Variants in KCTD8 observed in about 807,000 individuals in gnomAD.
The protein encoded by KCTD8 is potassium channel tetramerization domain containing 8, also known as BTB/POZ domain-containing protein KCTD8.
KCTD8 carries 27 observed loss-of-function variants against 31.5 expected under a neutral mutation model. The ratio of observed to expected loss-of-function variants is 0.86; its 90% CI spans 0.63 to 1.18. The LOEUF (loss-of-function observed/expected upper bound fraction) is 1.18, where lower values mean the gene tolerates loss of function less well. Ranked by LOEUF, KCTD8 falls within the 50% of genes most tolerant of loss-of-function variation. KCTD8 has a pLI of 0.00. For missense variants in KCTD8, 658 were observed against 647.7 expected (o/e 1.02, Z -0.17); for synonymous variants, 290 against 280.0 (o/e 1.04, Z -0.36).
At chr4:44,327,935 A>C (rs1488360920) in intron 1 of KCTD8, among the ~76,000 whole-genome samples, 2 of 151,920 alleles carry the variant, frequency 1.3e-5, no homozygotes, top group African/African-American at 4.8e-5. Context: ...ACTTTAAGAA[A>C]GTCTTAAAAT....
intron 1 of KCTD8, among the ~76,000 whole-genome samples, chr4:44,322,069 T>C (rs905867597): frequency 7.2e-5 from 11 of 151,998 alleles, no homozygotes; most frequent in African/African-American, 2.4e-4. Context: ...CATGAGAGTG[T>C]GGATGTCTCT....
intron 1 of KCTD8, among the ~76,000 whole-genome samples, chr4:44,188,083 T>C (rs1367703796): frequency 6.6e-6 from 1 of 151,820 alleles, no homozygotes; most frequent in African/African-American, 2.4e-5. Context: ...CATAGTTGAG[T>C]GGATTTTTAT....
intron 1 of KCTD8, among the ~76,000 whole-genome samples, chr4:44,252,779 ATAAATGTC>A (rs1196932933): frequency 2.0e-5 from 3 of 151,888 alleles, no homozygotes; most frequent in African/African-American, 7.2e-5. Flanking sequence ...ACAATCACAC[ATAAATGTC>A]TTATGCTTTT....
rs186330721 is a variant in KCTD8 at position 44,321,501 on chromosome 4, T to C, written c.961+126062A>G. Among the ~76,000 whole-genome samples, 292 of 152,286 alleles carry C rather than the reference T, an allele frequency of 1.9e-3. 1 individual carries two copies. The highest frequency in any genetic ancestry group is 6.8e-3 in the African/African-American group (284 of 41,568). On this transcript the variant is annotated intron_variant, in intron 1 of 1. Transcript: ENST00000360029. ...TGATATATCATAATAGCTGTACTTA[T>C]TTTTGGGGTATATGTGATACTTTGA...
intron 1 of KCTD8, among the ~76,000 whole-genome samples, chr4:44,408,928 T>C (rs1720885588): frequency 6.6e-6 from 1 of 151,496 alleles, no homozygotes; most frequent in East Asian, 2.0e-4. Flanking sequence ...AGTATTAGGG[T>C]TCTTTTAAGT....
At chr4:44,184,288 T>C (rs1231520704) in intron 1 of KCTD8, among the ~76,000 whole-genome samples, 2 of 152,178 alleles carry the variant, frequency 1.3e-5, no homozygotes, top group Admixed American at 1.3e-4. Context: ...TTACAGGTCA[T>C]AGAGGAGACG....
At chr4:44,262,992 T>G (rs1371214452) in intron 1 of KCTD8, among the ~76,000 whole-genome samples, 1 of 152,160 alleles carries the variant, frequency 6.6e-6, no homozygotes, top group Non-Finnish European at 1.5e-5. Flanking sequence ...ATTATCATAA[T>G]AGAAGATCAG....
In KCTD8 at chr4:44,321,551, C is replaced by T. The variant is rs144078593; in HGVS notation, c.961+126012G>A. 1.4e-3 allele frequency among the ~76,000 whole-genome samples: 207 copies of T among 152,130 alleles called. 1 individual carries two copies. In the East Asian group the frequency reaches 0.023, roughly 17 times the overall value. On this transcript the variant is annotated intron_variant, in intron 1 of 1. Transcript: ENST00000360029. ...ATACATGTATACAATGTATAATAATCCAATCAGGATAACTGGGATATCCAC... is the reference window on the plus strand; with the variant it reads ...ATACATGTATACAATGTATAATAATTCAATCAGGATAACTGGGATATCCAC...
intron 1 of KCTD8, among the ~76,000 whole-genome samples, chr4:44,250,314 T>C (rs1715790244): frequency 6.6e-6 from 1 of 151,836 alleles, no homozygotes; most frequent in African/African-American, 2.4e-5. Flanking sequence ...GTTAGTGATT[T>C]TTTCCAATTT....
chr4:44,285,990 A>G (rs1717057439), intron 1 of KCTD8, among the ~76,000 whole-genome samples: 1 of 152,190 alleles, frequency 6.6e-6, no homozygotes, highest in Non-Finnish European at 1.5e-5. Context: ...AACGAGTTAA[A>G]TTAAAAGATT....
intron 1 of KCTD8, among the ~76,000 whole-genome samples, chr4:44,272,375 A>G (rs962650671): frequency 6.6e-6 from 1 of 151,950 alleles, no homozygotes; most frequent in African/African-American, 2.4e-5. Flanking sequence ...TATATTATGG[A>G]ATCCGCACAG....
chr4:44,254,389 C>T (rs80018543), intron 1 of KCTD8, among the ~76,000 whole-genome samples: 5,430 of 151,954 alleles, frequency 0.036, 155 homozygotes, highest in Non-Finnish European at 0.047. Flanking sequence ...ATGCCAATGA[C>T]ACCTTGCACT....
intron 1 of KCTD8, among the ~76,000 whole-genome samples, chr4:44,305,242 A>C (rs1384604099): frequency 6.6e-6 from 1 of 151,576 alleles, no homozygotes; most frequent in Non-Finnish European, 1.5e-5. Context: ...TACGTGATAG[A>C]TATAAGTATA....
intron 1 of KCTD8, among the ~76,000 whole-genome samples, chr4:44,395,894 A>AT (rs964734028): frequency 1.3e-5 from 2 of 151,966 alleles, no homozygotes; most frequent in Admixed American, 6.6e-5. Context: ...GTGGAAGACA[A>AT]TTTTTTTTAT....
At chr4:44,314,904 A>AT in intron 1 of KCTD8, among the ~76,000 whole-genome samples, 1 of 150,684 alleles carries the variant, frequency 6.6e-6, no homozygotes, top group Non-Finnish European at 1.5e-5. Context: ...AAAAAAAAAA[A>AT]CTTATACTCC....
intron 1 of KCTD8, among the ~76,000 whole-genome samples, chr4:44,256,046 A>C (rs1715981710): frequency 6.6e-6 from 1 of 151,868 alleles, no homozygotes; most frequent in Non-Finnish European, 1.5e-5. Flanking sequence ...AGGGAAAGCA[A>C]AGGCGCTTGT....
At chr4:44,431,443 A>G (rs1445632924) in intron 1 of KCTD8, among the ~76,000 whole-genome samples, 1 of 151,514 alleles carries the variant, frequency 6.6e-6, no homozygotes, top group Non-Finnish European at 1.5e-5. Context: ...GCTAAGGATG[A>G]TATCTATGAT....
chr4:44,179,519 T>TTA (rs1553890835), intron 1 of KCTD8, among the ~76,000 whole-genome samples: 95 of 147,936 alleles, frequency 6.4e-4, no homozygotes, highest in African/African-American at 1.4e-3. Flanking sequence ...TTATATATTT[T>TTA]TATATATATA....
intron 1 of KCTD8, among the ~76,000 whole-genome samples, chr4:44,410,448 T>A (rs894544161): frequency 2.6e-5 from 4 of 152,200 alleles, no homozygotes; most frequent in Admixed American, 2.0e-4. Context: ...ATTATTCTCA[T>A]TTTATACTTG....
Sources: gnomAD v4.1 joint callset for allele counts (sites outside exome capture counted in the v4.1 genomes callset) on GRCh38, gnomAD v4.1.1 for gene constraint, MANE v1.5 for transcripts, NCBI Gene and HGNC (gene_info 2026-07-23, HGNC 2026-07-21) for gene names.